The following PIK3CD variants were observed in gnomAD, a reference collection of about 807,000 sequenced individuals.
PIK3CD encodes the protein phosphatidylinositol-4,5-bisphosphate 3-kinase catalytic subunit delta, also known as phosphatidylinositol 4,5-bisphosphate 3-kinase catalytic subunit delta isoform.
PIK3CD carries 20 observed loss-of-function variants against 122.9 expected under a neutral mutation model. That is an observed-to-expected ratio of 0.16 (90% CI 0.11 to 0.24). The LOEUF (loss-of-function observed/expected upper bound fraction) is 0.24, where lower values mean the gene tolerates loss of function less well. Ranked by LOEUF, PIK3CD falls within the 10% of genes least tolerant of loss-of-function variation. The pLI is 1.00. For synonymous variants in PIK3CD, 596 were observed against 593.4 expected (o/e 1.00, Z -0.06); for missense variants, 787 against 1,406.3 (o/e 0.56, Z 7.04).
At chr1:9,667,163 C>CA (rs1272598251) in intron 1 of PIK3CD, among the ~76,000 whole-genome samples, 1 of 152,034 alleles carries the variant, frequency 6.6e-6, no homozygotes, top group Non-Finnish European at 1.5e-5. Flanking sequence ...TGCGCCCAGC[C>CA]AAAAATTGTT....
chr1:9,653,558 A>G, intron 1 of PIK3CD: 1 of 340,870 alleles, frequency 2.9e-6, no homozygotes, highest in South Asian at 2.3e-5. Flanking sequence ...ACGACTGTTC[A>G]GAGAGGCACC....
chr1:9,698,783 C>T (rs1305309446), intron 2 of PIK3CD, among the ~76,000 whole-genome samples: 3 of 152,132 alleles, frequency 2.0e-5, no homozygotes, highest in African/African-American at 4.8e-5. Context: ...GGGTGCAGGC[C>T]TGTGGCCTCC....
upstream of PIK3CD, among the ~76,000 whole-genome samples, chr1:9,650,723 G>T (rs1044648155): frequency 2.6e-5 from 4 of 152,196 alleles, no homozygotes; most frequent in Non-Finnish European, 5.9e-5. Flanking sequence ...GGGAGAGTGA[G>T]GGGAGAGAGG....
At chr1:9,680,359 C>A (rs2100212130) in intron 1 of PIK3CD, among the ~76,000 whole-genome samples, 1 of 152,126 alleles carries the variant, frequency 6.6e-6, no homozygotes, top group East Asian at 1.9e-4. Flanking sequence ...TGTCTGTAAT[C>A]CAAGCACTTT....
At position 9,673,487 on chromosome 1, in the gene PIK3CD, C is replaced by T. The variant is rs150438555; in HGVS notation, c.-137-17980C>T. On this transcript the variant is annotated intron_variant, in intron 1 of 23. Transcript: ENST00000377346. ...TGTTGTTCGGGCTGATCTCGAACTC[C>T]TGACTTCAAGTGATCCACCCACCTT... 7.8e-4 allele frequency among the ~76,000 whole-genome samples: 118 copies of T among 152,228 alleles called. 1 individual carries two copies. The highest frequency in any genetic ancestry group is 2.8e-3 in the African/African-American group (116 of 41,552).
chr1:9,722,368 G>C lies in PIK3CD; in HGVS notation c.2347+12G>C. The stretch of plus-strand genomic sequence containing the variant: ...TAAGAACGGGGATGGTGAGGGCCTG[G>C]CCTCCCCACACCCCGCCTGTACTGC... On this transcript the variant is annotated intron_variant, in intron 18 of 23. Transcript: ENST00000377346. This position sits in a 1 kb window ranked among gnomAD's most constrained non-coding sequence, Gnocchi z 7.6. 6.3e-7 allele frequency: 1 copy of C among 1,598,834 alleles called. No homozygotes were observed.
rs746376416 is a variant in PIK3CD, at chr1:9,724,945, C to T, written c.2997+9C>T. On this transcript the variant is annotated intron_variant, in intron 23 of 23. Coordinates refer to ENST00000377346, the MANE Select transcript of PIK3CD (RefSeq NM_005026.5). This position sits in a 1 kb window ranked among gnomAD's most constrained non-coding sequence, Gnocchi z 7.3. ...ACATCCAGTATCTCAAGGTATGTGCCGGGCAGGAGACTGCTGTCGCCAGTG... is the reference window on the plus strand; with the variant it reads ...ACATCCAGTATCTCAAGGTATGTGCTGGGCAGGAGACTGCTGTCGCCAGTG... 60 of 1,613,418 alleles carry T rather than the reference C, an allele frequency of 3.7e-5. No homozygotes were observed. Among genetic ancestry groups the T allele is most frequent in the Middle Eastern group, 1.6e-4 (1 of 6,084 alleles).
the PIK3CD span, among the ~76,000 whole-genome samples, chr1:9,629,267 A>G: frequency 6.6e-6 from 1 of 151,810 alleles, no homozygotes; most frequent in Non-Finnish European, 1.5e-5. Flanking sequence ...TGCGGTTGTC[A>G]CTGGGGTGCC....
At position 9,704,822 on chromosome 1, in the gene PIK3CD, A is replaced by G. The variant is rs1000452190; in HGVS notation, c.-32-5602A>G. Among the ~76,000 whole-genome samples, 2 of 152,158 alleles carry G rather than the reference A, an allele frequency of 1.3e-5. No individual in the cohort carries two copies. The highest frequency in any genetic ancestry group is 2.9e-5 in the Non-Finnish European group (2 of 68,018). Reference sequence around the variant, plus strand: ...AGCCACCACGCCCAGCCGGTCCCCCAAGTTTTGAAACAAAAGGAAGACTTT... The same window carrying G: ...AGCCACCACGCCCAGCCGGTCCCCCGAGTTTTGAAACAAAAGGAAGACTTT... On this transcript the variant is annotated intron_variant, in intron 2 of 23. Transcript: ENST00000377346. This position sits in a 1 kb window ranked among gnomAD's most constrained non-coding sequence, Gnocchi z 5.0.
chr1:9,727,388 C>G lies in PIK3CD; in HGVS notation c.*342C>G. On this transcript the variant is annotated 3_prime_UTR_variant, in exon 24 of 24. Transcript: ENST00000377346. The stretch of plus-strand genomic sequence containing the variant: ...GGGAACCTTCTTCCCAGGCCTCCCG[C>G]CAGACTGCCTGGGTCCTGGCGCCTG... 1 of 434,564 alleles carries G rather than the reference C, an allele frequency of 2.3e-6. No individual in the cohort carries two copies. 26.9% of individuals were successfully genotyped at this position (434,564 alleles called of 1,614,324 possible).
chr1:9,669,723 C>G (rs563205679), intron 1 of PIK3CD, among the ~76,000 whole-genome samples: 1 of 152,110 alleles, frequency 6.6e-6, no homozygotes, highest in South Asian at 2.1e-4. Context: ...GTGCTTGATG[C>G]CTGCATTTTC....
the PIK3CD span, among the ~76,000 whole-genome samples, chr1:9,645,973 C>T: frequency 1.3e-5 from 2 of 150,890 alleles, no homozygotes; most frequent in African/African-American, 4.9e-5. Context: ...GGTTTTGTCA[C>T]GTTGGCCAGG....
At chr1:9,725,061 C>CCG in intron 23 of PIK3CD, 125 bp downstream of exon 23, 1 of 1,230,708 alleles carries the variant, frequency 8.1e-7, no homozygotes, top group Non-Finnish European at 1.2e-6. Flanking sequence ...GTGCCTCATG[C>CCG]CGTCCCAGGA....
At chr1:9,662,592 T>C (rs1015900010) in intron 1 of PIK3CD, 11 of 152,374 alleles carry the variant, frequency 7.2e-5, no homozygotes, top group African/African-American at 2.7e-4. Context: ...TTGTGGTTCT[T>C]GCTGTGGTTC....
intron 3 of PIK3CD, among the ~76,000 whole-genome samples, chr1:9,712,754 G>GAAAAA (rs1647106890): frequency 6.6e-6 from 1 of 152,152 alleles, no homozygotes; most frequent in South Asian, 2.1e-4. Context: ...TTTAGGAAAA[G>GAAAAA]GCCTGGCATG....
Position 9,689,032 on chromosome 1 carries a change from G to A in PIK3CD, c.-137-2435G>A, listed in dbSNP as rs114962053. On this transcript the variant is annotated intron_variant, in intron 1 of 23. Coordinates refer to ENST00000377346, the MANE Select transcript of PIK3CD (RefSeq NM_005026.5). This position sits in a 1 kb window ranked among gnomAD's most constrained non-coding sequence, Gnocchi z 6.1. ...TCAGCTAGGGAACAGCCAGCAGGCTGGATTTGAGCCCAGAGCCCGGGCTGG... is the reference window on the plus strand; with the variant it reads ...TCAGCTAGGGAACAGCCAGCAGGCTAGATTTGAGCCCAGAGCCCGGGCTGG... Among the ~76,000 whole-genome samples, 3,085 of 152,342 alleles carry A rather than the reference G, an allele frequency of 0.02. 97 individuals are homozygous for A. The highest frequency in any genetic ancestry group is 0.068 in the African/African-American group (2,813 of 41,566).
rs1649064951 is a variant in PIK3CD at position 9,723,802 on chromosome 1, G to T, written c.2595-167G>T. ...GATCTGCAGGGGTCTTCATGCCTTG[G>T]CTCTGGAATAGCGTCTGCAAGCGAT... is the stretch of plus-strand genomic sequence containing the variant. On this transcript the variant is annotated intron_variant, in intron 20 of 23. Transcript: ENST00000377346. This position sits in a 1 kb window ranked among gnomAD's most constrained non-coding sequence, Gnocchi z 4.9. 6.6e-6 allele frequency among the ~76,000 whole-genome samples: 1 copy of T among 152,182 alleles called. No homozygotes were observed. Among genetic ancestry groups the T allele is most frequent in the Admixed American group, 6.5e-5 (1 of 15,286 alleles).
chr1:9,693,999 G>T lies in PIK3CD; in HGVS notation c.-33+2428G>T, dbSNP rs545197765. On this transcript the variant is annotated intron_variant, in intron 2 of 23. Coordinates refer to ENST00000377346, the MANE Select transcript of PIK3CD (RefSeq NM_005026.5). ...CCACCCCAGCAGGTGGCAGGTTTCCGGCAGGCAGTGTTTTCAGAGAGGTTG... is the reference window on the plus strand; with the variant it reads ...CCACCCCAGCAGGTGGCAGGTTTCCTGCAGGCAGTGTTTTCAGAGAGGTTG... Among the ~76,000 whole-genome samples the T allele has an allele frequency of 2.6e-5, 4 of 152,150 alleles. No individual in the cohort carries two copies. In the South Asian group the frequency reaches 6.2e-4, roughly 24 times the overall value.
rs755903530 is a variant in PIK3CD at position 9,724,442 on chromosome 1, C to G, written c.2864+21C>G. Reference sequence around the variant, plus strand: ...GAACGGTGAGAGTGCCTGAGCCCCACCAGATGCCCCTCGGTGTGGGGCCCC... The same window carrying G: ...GAACGGTGAGAGTGCCTGAGCCCCAGCAGATGCCCCTCGGTGTGGGGCCCC... On this transcript the variant is annotated intron_variant, in intron 22 of 23. Coordinates refer to ENST00000377346, the MANE Select transcript of PIK3CD (RefSeq NM_005026.5). This position sits in a 1 kb window ranked among gnomAD's most constrained non-coding sequence, Gnocchi z 7.3. 1.5e-5 allele frequency: 24 copies of G among 1,613,654 alleles called. No individual in the cohort carries two copies. Among genetic ancestry groups the G allele is most frequent in the Non-Finnish European group, 1.9e-5 (22 of 1,179,880 alleles).
Sources: gnomAD v4.1 joint callset for allele counts (sites outside exome capture counted in the v4.1 genomes callset) on GRCh38, gnomAD v4.1.1 for gene constraint, Gnocchi (gnomAD v3.1) non-coding constraint, MANE v1.5 for transcripts, NCBI Gene and HGNC (gene_info 2026-07-23, HGNC 2026-07-21) for gene names.